Variants in FOXK1 observed in about 807,000 individuals in gnomAD.
FOXK1 encodes forkhead box protein K1.
Under a neutral mutation model 51.9 loss-of-function variants are expected in FOXK1, and 19 were observed. The ratio of observed to expected loss-of-function variants is 0.37; its 90% CI spans 0.26 to 0.54. The LOEUF (loss-of-function observed/expected upper bound fraction) is 0.54, where lower values mean the gene tolerates loss of function less well. FOXK1 is among the 20% of genes least tolerant of loss of function. FOXK1 has a pLI of 0.87. For synonymous variants in FOXK1, 537 were observed against 482.6 expected (o/e 1.11, Z -1.48); for missense variants, 870 against 1,032.7 (o/e 0.84, Z 2.16).
Position 4,748,285 on chromosome 7 carries a change from G to A in FOXK1, c.747-6174G>A, listed in dbSNP as rs150898301. 1.7e-4 allele frequency among the ~76,000 whole-genome samples: 26 copies of A among 152,160 alleles called. No homozygotes were observed. Among genetic ancestry groups the A allele is most frequent in the Middle Eastern group, 6.8e-3 (2 of 294 alleles). ...TACGTGACTGTCTCTTGGTTTTTCC[G>A]TTTTAGATATTACACATGAGGTTCC... On this transcript the variant is annotated intron_variant, in intron 2 of 8. Transcript: ENST00000328914. This position sits in a 1 kb window ranked among gnomAD's most constrained non-coding sequence, Gnocchi z 4.9.
rs1259362983 is a variant in FOXK1 at position 4,745,961 on chromosome 7, C to T, written c.746+4938C>T. On this transcript the variant is annotated intron_variant, in intron 2 of 8. Transcript: ENST00000328914. The surrounding 1 kb of genome is among the most constrained non-coding windows in gnomAD (Gnocchi z 4.3). ...AAGTAGTTAATCATTTTCTAGGTTC[C>T]ATCAGACAGACACCAGTCTAAAAAG... Among the ~76,000 whole-genome samples, 1 of 152,080 alleles carries T rather than the reference C, an allele frequency of 6.6e-6. No homozygotes were observed. Among genetic ancestry groups the T allele is most frequent in the African/African-American group, 2.4e-5 (1 of 41,404 alleles).
rs1259862473 is a variant in FOXK1 at position 4,769,872 on chromosome 7, C to T, written c.*7408C>T. On this transcript the variant is annotated 3_prime_UTR_variant, in exon 9 of 9. Coordinates refer to ENST00000328914, the MANE Select transcript of FOXK1 (RefSeq NM_001037165.2). This position sits in a 1 kb window ranked among gnomAD's most constrained non-coding sequence, Gnocchi z 4.1. ...GGATTCTTTTTTCTGGAATTGTTTG[C>T]TCATTTGAGTGGTTGGTGGTTTGCC... 6.6e-6 allele frequency: 1 copy of T among 152,138 alleles called. No individual in the cohort carries two copies. Among genetic ancestry groups the T allele is most frequent in the African/African-American group, 2.4e-5 (1 of 41,414 alleles). The allele number at this position is 152,138 out of a possible 1,614,324, so 9.4% of individuals were successfully genotyped here.
chr7:4,708,867 C>A (rs373261848), intron 1 of FOXK1, among the ~76,000 whole-genome samples: 12 of 152,122 alleles, frequency 7.9e-5, no homozygotes, highest in African/African-American at 2.7e-4. Context: ...GAGTTCAAGA[C>A]CATCCTGGTC....
At chr7:4,710,728 G>A (rs1371668004) in intron 1 of FOXK1, among the ~76,000 whole-genome samples, 3 of 152,148 alleles carry the variant, frequency 2.0e-5, no homozygotes, top group Non-Finnish European at 2.9e-5. Context: ...GCGAGGGTGC[G>A]GTGGTGGCTC....
chr7:4,746,392 C>G (rs1318105867), intron 2 of FOXK1, among the ~76,000 whole-genome samples: 1 of 152,084 alleles, frequency 6.6e-6, no homozygotes. Flanking sequence ...CAGGGTGATT[C>G]ATCTCTTTCA....
chr7:4,770,414 C>T lies in FOXK1; in HGVS notation c.*7950C>T, dbSNP rs1209562708. The T allele has an allele frequency of 6.6e-6, 1 of 152,104 alleles. No individual in the cohort carries two copies. Among genetic ancestry groups the T allele is most frequent in the African/African-American group, 2.4e-5 (1 of 41,388 alleles). The allele number at this position is 152,104 out of a possible 1,614,324, so 9.4% of individuals were successfully genotyped here. ...GGCGTGGTGGCGTGTGCCTGTAATC[C>T]CAGCTACCAGGGAGGCTGAGGCATG... On this transcript the variant is annotated 3_prime_UTR_variant, in exon 9 of 9. Transcript: ENST00000328914.
At chr7:4,695,177 G>A (rs1291809996) in intron 1 of FOXK1, among the ~76,000 whole-genome samples, 1 of 152,190 alleles carries the variant, frequency 6.6e-6, no homozygotes, top group Non-Finnish European at 1.5e-5. Flanking sequence ...CCTGGCATTG[G>A]GAACAGTGAT....
chr7:4,721,870 C>T (rs1302744761), intron 1 of FOXK1, among the ~76,000 whole-genome samples: 2 of 152,206 alleles, frequency 1.3e-5, no homozygotes, highest in African/African-American at 4.8e-5. Flanking sequence ...AGATTACAGG[C>T]GTGAGCCACC....
chr7:4,701,248 A>G (rs1329667965), intron 1 of FOXK1, among the ~76,000 whole-genome samples: 1 of 152,132 alleles, frequency 6.6e-6, no homozygotes, highest in African/African-American at 2.4e-5. Flanking sequence ...TGGGAGCTCA[A>G]AGGACGGGGG....
In FOXK1 at chr7:4,762,480, G is replaced by C. The variant is rs772832879; in HGVS notation, c.*16G>C. ...CGGGGAGTGAGGTCACCTGCAACGC[G>C]GGGGAGTGGGACTCACCCAGCGGCG... On this transcript the variant is annotated 3_prime_UTR_variant, in exon 9 of 9. Transcript: ENST00000328914. The surrounding 1 kb of genome is among the most constrained non-coding windows in gnomAD (Gnocchi z 5.7). The C allele has an allele frequency of 2.0e-6, 3 of 1,535,948 alleles. 1 individual carries two copies. The highest frequency in any genetic ancestry group is 4.0e-5 in the Admixed American group (2 of 50,558).
At position 4,758,718 on chromosome 7, in the gene FOXK1, T is replaced by G. The variant is rs913762629; in HGVS notation, c.1245-333T>G. 1 of 300,402 alleles carries G rather than the reference T, an allele frequency of 3.3e-6. No homozygotes were observed. Among genetic ancestry groups the G allele is most frequent in the Admixed American group, 4.6e-5 (1 of 21,586 alleles). 18.6% of individuals were successfully genotyped at this position (300,402 alleles called of 1,614,324 possible). A position where few individuals can be genotyped will look rare whatever the true frequency, so the allele number is the denominator to read the frequency against. ...TGCGCCCACCAAACAGAAGCTTATG[T>G]TTTTGGCACAGAAGGCCTGGGCCAT... On this transcript the variant is annotated intron_variant, in intron 5 of 8. Coordinates refer to ENST00000328914, the MANE Select transcript of FOXK1 (RefSeq NM_001037165.2). This position sits in a 1 kb window ranked among gnomAD's most constrained non-coding sequence, Gnocchi z 4.4.
intron 5 of FOXK1, among the ~76,000 whole-genome samples, chr7:4,757,748 G>T (rs956270954): frequency 3.3e-5 from 5 of 151,200 alleles, no homozygotes; most frequent in African/African-American, 1.2e-4. Context: ...ACCTGGCGAT[G>T]ATTTAAAGCT....
At chr7:4,718,508 C>G (rs1213650118) in intron 1 of FOXK1, among the ~76,000 whole-genome samples, 1 of 152,176 alleles carries the variant, frequency 6.6e-6, no homozygotes, top group Non-Finnish European at 1.5e-5. Context: ...TACTGAAGTA[C>G]ATTAGTTTTT....
At chr7:4,728,458 C>A (rs190562716) in intron 1 of FOXK1, among the ~76,000 whole-genome samples, 28 of 152,292 alleles carry the variant, frequency 1.8e-4, no homozygotes, top group African/African-American at 6.7e-4. Context: ...ACTCCACATT[C>A]CTGAGAGAAC....
At position 4,740,914 on chromosome 7, in the gene FOXK1, TC is replaced by T; in HGVS notation, c.641del (p.Pro214ArgfsTer12). The part of the protein sequence containing the change: ...SLYHKEEAPA[S>X]PLRPLYPQIS... ...CTATCACAAAGAAGAGGCCCCAGCC[TC>T]CCCGCTGCGGCCACTGTACCCCCAG... On this transcript the variant is annotated frameshift_variant, in exon 2 of 9. Transcript: ENST00000328914. LOFTEE classifies it high-confidence loss of function. The T allele has an allele frequency of 6.3e-7, 1 of 1,587,040 alleles. No homozygotes were observed. Among genetic ancestry groups the T allele is most frequent in the East Asian group, 2.4e-5 (1 of 41,464 alleles).
At position 4,762,544 on chromosome 7, in the gene FOXK1, C is replaced by T; in HGVS notation, c.*80C>T. 2 of 1,419,204 alleles carry T rather than the reference C, an allele frequency of 1.4e-6. No individual in the cohort carries two copies. Among genetic ancestry groups the T allele is most frequent in the Non-Finnish European group, 1.9e-6 (2 of 1,061,694 alleles). 87.9% of individuals were successfully genotyped at this position (1,419,204 alleles called of 1,614,324 possible). A position where few individuals can be genotyped will look rare whatever the true frequency, so the allele number is the denominator to read the frequency against. Reference sequence around the variant, plus strand: ...ACCCGGCAGCTCAGGCGGCCGCACCCACAGACGGAGGAGAACAGCCCGCGG... The same window carrying T: ...ACCCGGCAGCTCAGGCGGCCGCACCTACAGACGGAGGAGAACAGCCCGCGG... On this transcript the variant is annotated 3_prime_UTR_variant, in exon 9 of 9. Transcript: ENST00000328914. The surrounding 1 kb of genome is among the most constrained non-coding windows in gnomAD (Gnocchi z 5.7).
rs1780718894 is a variant in FOXK1 at position 4,747,419 on chromosome 7, C to T, written c.746+6396C>T. 6.6e-6 allele frequency among the ~76,000 whole-genome samples: 1 copy of T among 152,246 alleles called. No homozygotes were observed. Among genetic ancestry groups the T allele is most frequent in the African/African-American group, 2.4e-5 (1 of 41,462 alleles). On this transcript the variant is annotated intron_variant, in intron 2 of 8. Transcript: ENST00000328914. This position sits in a 1 kb window ranked among gnomAD's most constrained non-coding sequence, Gnocchi z 9.2. The stretch of plus-strand genomic sequence containing the variant: ...ACATGAGAGCAGCTCCTGTTGAAGC[C>T]ACCATGCTGGTTATTCTCACCAGGG...
chr7:4,720,088 C>G (rs75876530), intron 1 of FOXK1, among the ~76,000 whole-genome samples: 1 of 152,054 alleles, frequency 6.6e-6, no homozygotes, highest in Non-Finnish European at 1.5e-5. Context: ...AGCCCCAGGT[C>G]CTGAAGGATT....
rs1780043369 is a variant in FOXK1, at chr7:4,703,333, T to C, written c.560+20465T>C. ...CCGAGGGGGCAGAGCATTTAGGACA[T>C]GGAGTGGGTAGGGCGTTGTGACAGC... On this transcript the variant is annotated intron_variant, in intron 1 of 8. Transcript: ENST00000328914. This position sits in a 1 kb window ranked among gnomAD's most constrained non-coding sequence, Gnocchi z 5.6. Among the ~76,000 whole-genome samples, 1 of 152,040 alleles carries C rather than the reference T, an allele frequency of 6.6e-6. No homozygotes were observed. The highest frequency in any genetic ancestry group is 6.6e-5 in the Admixed American group (1 of 15,258).
Sources: allele counts gnomAD v4.1 joint callset (sites outside exome capture counted in the v4.1 genomes callset), GRCh38; gene constraint gnomAD v4.1.1; non-coding constraint Gnocchi (gnomAD v3.1); transcripts MANE v1.5; gene names NCBI Gene and HGNC (gene_info 2026-07-23, HGNC 2026-07-21).